The following TPRG1 variants were observed in gnomAD, a reference collection of about 807,000 sequenced individuals.
The protein encoded by TPRG1 is tumor protein p63 regulated 1.
In TPRG1, 29 loss-of-function variants were observed where a neutral mutation model predicts 29.3. That is an observed-to-expected ratio of 0.99 (90% CI 0.74 to 1.35). TPRG1 has a LOEUF of 1.35. TPRG1 is among the 40% of genes most tolerant of loss of function. The probability of loss-of-function intolerance (pLI) is 0.00; values close to 1 mark genes in which losing one functional copy is unlikely to be tolerated. For missense variants in TPRG1, 327 were observed against 335.0 expected, an observed-to-expected ratio of 0.98 and a Z score of 0.19; for synonymous variants, 130 against 116.8, an observed-to-expected ratio of 1.11 and a Z score of -0.73.
intron 1 of TPRG1, 40 bp from the exon 2 acceptor site, chr3:189,207,336 G>T (rs1734549912): frequency 6.2e-7 from 1 of 1,608,090 alleles, no homozygotes. Flanking sequence ...AGGTACAGAG[G>T]TAACATTTTT....
At chr3:189,019,465 C>T (rs1268882613) in intron 3 of TPRG1, among the ~76,000 whole-genome samples, 1 of 152,122 alleles carries the variant, frequency 6.6e-6, no homozygotes, top group Non-Finnish European at 1.5e-5. Flanking sequence ...TTGTCAAAGG[C>T]CTTTTCTGCA....
At chr3:189,004,041 C>T (rs907098631) in intron 2 of TPRG1, among the ~76,000 whole-genome samples, 27 of 151,926 alleles carry the variant, frequency 1.8e-4, no homozygotes, top group African/African-American at 5.1e-4. Flanking sequence ...TAAGTGAATC[C>T]GACAGAGAAA....
At chr3:189,287,660 G>A (rs949803948) in intron 4 of TPRG1, among the ~76,000 whole-genome samples, 3 of 152,170 alleles carry the variant, frequency 2.0e-5, no homozygotes, top group African/African-American at 7.2e-5. Context: ...GCCTCCCAAA[G>A]TGCTGGGATT....
At chr3:189,057,532 C>G (rs1316250826) in intron 4 of TPRG1, among the ~76,000 whole-genome samples, 2 of 147,544 alleles carry the variant, frequency 1.4e-5, no homozygotes, top group South Asian at 4.3e-4. Context: ...TCTGTGGGCT[C>G]TTTTCTACAA....
At chr3:189,179,486 T>C (rs1729930060) in intron 1 of TPRG1, among the ~76,000 whole-genome samples, 2 of 152,206 alleles carry the variant, frequency 1.3e-5, no homozygotes, top group Admixed American at 1.3e-4. Context: ...CCTAGATCCA[T>C]AGGTATTCAG....
intron 4 of TPRG1, among the ~76,000 whole-genome samples, chr3:189,285,224 C>T (rs1169946062): frequency 6.6e-6 from 1 of 152,176 alleles, no homozygotes; most frequent in Non-Finnish European, 1.5e-5. Flanking sequence ...CTTCATTATT[C>T]TTCTACAATA....
At chr3:189,031,194 G>A (rs1455041547) in intron 4 of TPRG1, among the ~76,000 whole-genome samples, 2 of 152,094 alleles carry the variant, frequency 1.3e-5, no homozygotes, top group Admixed American at 6.5e-5. Flanking sequence ...GGGAGGCTGA[G>A]GCAGGAGAAT....
At chr3:189,165,989 A>C (rs776160609) in intron 5 of TPRG1, among the ~76,000 whole-genome samples, 1 of 152,196 alleles carries the variant, frequency 6.6e-6, no homozygotes, top group Non-Finnish European at 1.5e-5. Flanking sequence ...CCCAGAGAGC[A>C]GTCGCAGTTC....
At chr3:189,109,743 T>A (rs1364328722) in intron 1 of TPRG1, among the ~76,000 whole-genome samples, 1 of 151,962 alleles carries the variant, frequency 6.6e-6, no homozygotes, top group Non-Finnish European at 1.5e-5. Context: ...ATTCTATGAG[T>A]TTTTGCAAAC....
Position 189,292,837 on chromosome 3 carries a change from T to C in TPRG1, c.480-17549T>C, listed in dbSNP as rs187533951. Among the ~76,000 whole-genome samples the C allele has an allele frequency of 9.3e-4, 141 of 152,348 alleles. 1 individual carries two copies. Among genetic ancestry groups the C allele is most frequent in the Non-Finnish European group, 1.4e-3 (95 of 68,026 alleles). The stretch of plus-strand genomic sequence containing the variant: ...CTACCTGGCAACGAGCAGAGATGGC[T>C]GGCCAGATTATCCCACAAGGAAGGC... On this transcript the variant is annotated intron_variant, in intron 4 of 5. Coordinates refer to ENST00000345063, the MANE Select transcript of TPRG1 (RefSeq NM_198485.4).
chr3:189,058,215 C>A (rs143607779), intron 4 of TPRG1, among the ~76,000 whole-genome samples: 4 of 152,116 alleles, frequency 2.6e-5, no homozygotes, highest in East Asian at 1.9e-4. Flanking sequence ...GAGGTCCCAG[C>A]GATGACAAGT....
chr3:189,199,387 A>G (rs1157791316), intron 1 of TPRG1, among the ~76,000 whole-genome samples: 1 of 152,240 alleles, frequency 6.6e-6, no homozygotes, highest in African/African-American at 2.4e-5. Context: ...TGAGCTGGAA[A>G]CTTAGGAATA....
At chr3:189,134,702 C>G (rs1723533114) in intron 3 of TPRG1, among the ~76,000 whole-genome samples, 1 of 152,116 alleles carries the variant, frequency 6.6e-6, no homozygotes, top group African/African-American at 2.4e-5. Flanking sequence ...TAGGCATGAG[C>G]CACTGCATCT....
At chr3:189,303,665 T>C (rs1721186373) in intron 4 of TPRG1, among the ~76,000 whole-genome samples, 1 of 152,232 alleles carries the variant, frequency 6.6e-6, no homozygotes, top group Admixed American at 6.5e-5. Flanking sequence ...TCACCTTCAT[T>C]AAACAAAAAT....
At chr3:189,024,956 TG>T (rs1381929422) in intron 4 of TPRG1, among the ~76,000 whole-genome samples, 1 of 152,198 alleles carries the variant, frequency 6.6e-6, no homozygotes, top group Non-Finnish European at 1.5e-5. Flanking sequence ...TGCCAGTGGC[TG>T]GCTGGAATTC....
At chr3:189,154,339 T>C (rs1207242998) in intron 5 of TPRG1, among the ~76,000 whole-genome samples, 1 of 152,266 alleles carries the variant, frequency 6.6e-6, no homozygotes, top group Non-Finnish European at 1.5e-5. Flanking sequence ...TTCATTCATT[T>C]GCCAATTATT....
At chr3:189,261,053 G>A (rs1293524146) in intron 4 of TPRG1, among the ~76,000 whole-genome samples, 2 of 152,062 alleles carry the variant, frequency 1.3e-5, no homozygotes, top group East Asian at 1.9e-4. Flanking sequence ...GTGGTTCTGC[G>A]GAACATCTTG....
intron 5 of TPRG1, among the ~76,000 whole-genome samples, chr3:189,152,443 T>A (rs895110092): frequency 1.3e-5 from 2 of 152,168 alleles, no homozygotes; most frequent in African/African-American, 2.4e-5. Flanking sequence ...ATGTGGACGG[T>A]TTCCTTTATA....
At chr3:189,081,649 C>A (rs1717602871) in intron 4 of TPRG1, among the ~76,000 whole-genome samples, 1 of 152,152 alleles carries the variant, frequency 6.6e-6, no homozygotes, top group African/African-American at 2.4e-5. Context: ...GCAAAGATTA[C>A]CTCTCTATTC....
Sources: gnomAD v4.1 joint callset for allele counts (sites outside exome capture counted in the v4.1 genomes callset) on GRCh38, gnomAD v4.1.1 for gene constraint, MANE v1.5 for transcripts, NCBI Gene and HGNC (gene_info 2026-07-23, HGNC 2026-07-21) for gene names.